The following THADA variants were observed in gnomAD, a reference collection of about 807,000 sequenced individuals.
THADA encodes tRNA (32-2'-O)-methyltransferase regulator THADA.
THADA carries 213 observed loss-of-function variants against 219.8 expected under a neutral mutation model. The ratio of observed to expected loss-of-function variants is 0.97; its 90% CI spans 0.87 to 1.09. THADA has a LOEUF of 1.09. THADA is among the 50% of genes least tolerant of loss of function. THADA has a pLI of 0.00. For missense variants in THADA, 2,956 were observed against 2,311.3 expected, an observed-to-expected ratio of 1.28 and a Z score of -5.72; for synonymous variants, 1,018 against 828.9, an observed-to-expected ratio of 1.23 and a Z score of -3.92.
At chr2:43,313,796 T>A (rs1194889378) in intron 31 of THADA, among the ~76,000 whole-genome samples, 1 of 152,062 alleles carries the variant, frequency 6.6e-6, no homozygotes, top group Admixed American at 6.6e-5. Context: ...ACGAAGAGGG[T>A]TCTCGGACTC....
intron 28 of THADA, among the ~76,000 whole-genome samples, chr2:43,423,557 C>T (rs545785370): frequency 1.8e-4 from 27 of 152,022 alleles, no homozygotes; most frequent in African/African-American, 6.3e-4. Flanking sequence ...CTTAGCCTCT[C>T]GAGTAGCTGG....
intron 26 of THADA, among the ~76,000 whole-genome samples, chr2:43,477,794 G>A (rs1685717460): frequency 6.6e-6 from 1 of 152,212 alleles, no homozygotes; most frequent in African/African-American, 2.4e-5. Context: ...AGGAATGAAT[G>A]ACTGAATGAA....
chr2:43,292,292 G>A, intron 32 of THADA, 70 bp from the exon 33 acceptor site: 1 of 991,974 alleles, frequency 1.0e-6, no homozygotes, highest in South Asian at 1.7e-5. Flanking sequence ...GATGTTACAT[G>A]ATAATCAATT....
chr2:43,306,449 C>G (rs1676874482), intron 31 of THADA, among the ~76,000 whole-genome samples: 1 of 152,186 alleles, frequency 6.6e-6, no homozygotes, highest in African/African-American at 2.4e-5. Flanking sequence ...CCATGGGATA[C>G]TGCAAAACCA....
At chr2:43,570,544 C>A in intron 13 of THADA, 34 bp from the exon 14 acceptor site, 2 of 1,580,976 alleles carry the variant, frequency 1.3e-6, no homozygotes, top group Non-Finnish European at 1.7e-6. Flanking sequence ...CACAGGTGAG[C>A]CACACATTAA....
At chr2:43,320,960 A>G (rs1163078789) in intron 30 of THADA, among the ~76,000 whole-genome samples, 1 of 152,258 alleles carries the variant, frequency 6.6e-6, no homozygotes, top group Non-Finnish European at 1.5e-5. Flanking sequence ...ATTGTGGAGA[A>G]GGAAAATTAC....
At chr2:43,422,139 C>A (rs180824792) in intron 28 of THADA, among the ~76,000 whole-genome samples, 20 of 152,278 alleles carry the variant, frequency 1.3e-4, no homozygotes, top group Non-Finnish European at 1.2e-4. Flanking sequence ...TGCTGATGGG[C>A]AAACTCAGTA....
rs186284423 is a variant in THADA at position 43,350,529 on chromosome 2, C to T, written c.4228-6292G>A. ...TAGGCCGTAGGCCTCTCAGGAGCAC[C>T]CCTCTTGCCTCTGACTTCCACAATG... On this transcript the variant is annotated intron_variant, in intron 29 of 37. Transcript: ENST00000405975. 3.4e-3 allele frequency among the ~76,000 whole-genome samples: 521 copies of T among 152,314 alleles called. 3 individuals are homozygous for T. Among genetic ancestry groups the T allele is most frequent in the Non-Finnish European group, 4.4e-3 (296 of 68,034 alleles).
chr2:43,592,204 C>G, intron 2 of THADA, 113 bp downstream of exon 2: 1 of 1,012,070 alleles, frequency 9.9e-7, no homozygotes. Flanking sequence ...ACATCCAAAA[C>G]ATAAGGAAAA....
intron 20 of THADA, among the ~76,000 whole-genome samples, chr2:43,548,599 C>T (rs570972816): frequency 1.1e-4 from 16 of 152,346 alleles, no homozygotes; most frequent in Admixed American, 9.8e-4. Context: ...AGCCTCGATG[C>T]TGCCTTGCAG....
chr2:43,544,362 T>C (rs528527226), intron 20 of THADA, among the ~76,000 whole-genome samples: 1 of 152,334 alleles, frequency 6.6e-6, no homozygotes, highest in East Asian at 1.9e-4. Flanking sequence ...ATGCGGGCTC[T>C]TTTTTGGTGC....
At position 43,335,356 on chromosome 2, in the gene THADA, AG is replaced by A. The variant is rs201419717; in HGVS notation, c.4343+8765del. 5.8e-3 allele frequency among the ~76,000 whole-genome samples: 876 copies of A among 152,326 alleles called. 12 individuals are homozygous for A. Among genetic ancestry groups the A allele is most frequent in the African/African-American group, 0.02 (845 of 41,564 alleles). On this transcript the variant is annotated intron_variant, in intron 30 of 37. Transcript: ENST00000405975. ...CAACAAATGATAGTAGTTGTCAGGTAGGATGTTAATTCTGGTGAACTGTGTG... is the reference window on the plus strand; with the variant it reads ...CAACAAATGATAGTAGTTGTCAGGTAGATGTTAATTCTGGTGAACTGTGTG...
At chr2:43,475,367 C>A (rs1057038891) in intron 26 of THADA, among the ~76,000 whole-genome samples, 2 of 146,706 alleles carry the variant, frequency 1.4e-5, no homozygotes, top group Non-Finnish European at 3.0e-5. Context: ...TGCAGTGAGC[C>A]AAGGTTGTGC....
chr2:43,351,672 A>G (rs72879219), intron 29 of THADA, among the ~76,000 whole-genome samples: 2,928 of 152,298 alleles, frequency 0.019, 56 homozygotes, highest in African/African-American at 0.049. Flanking sequence ...AAAACAGAGG[A>G]TTCATTGATT....
At chr2:43,591,001 A>T in intron 3 of THADA, 47 bp from the exon 4 acceptor site, 4 of 1,558,980 alleles carry the variant, frequency 2.6e-6, no homozygotes, top group Non-Finnish European at 3.5e-6. Context: ...CAAATATAGC[A>T]AAGTAACATG....
intron 34 of THADA, among the ~76,000 whole-genome samples, chr2:43,288,523 T>C (rs1674316613): frequency 6.6e-6 from 1 of 152,242 alleles, no homozygotes; most frequent in African/African-American, 2.4e-5. Flanking sequence ...GATGAGAATC[T>C]AGATGAAGAG....
intron 1 of THADA, among the ~76,000 whole-genome samples, chr2:43,594,253 T>C (rs1482146024): frequency 6.6e-6 from 1 of 152,144 alleles, no homozygotes; most frequent in Admixed American, 6.5e-5. Flanking sequence ...TCCTTAAAAC[T>C]TTCCAAGGGT....
At chr2:43,386,827 G>A (rs1276121625) in intron 29 of THADA, among the ~76,000 whole-genome samples, 1 of 150,956 alleles carries the variant, frequency 6.6e-6, no homozygotes, top group South Asian at 2.1e-4. Context: ...GAACCCGGGA[G>A]GCAGAGGTTG....
chr2:43,343,719 C>G (rs1187875427), intron 30 of THADA: 1 of 156,002 alleles, frequency 6.4e-6, no homozygotes, highest in Non-Finnish European at 1.4e-5. Context: ...CACACCCTAT[C>G]TGTCCCTCAG....
Sources: allele counts gnomAD v4.1 joint callset (sites outside exome capture counted in the v4.1 genomes callset), GRCh38; gene constraint gnomAD v4.1.1; transcripts MANE v1.5; gene names NCBI Gene and HGNC (gene_info 2026-07-23, HGNC 2026-07-21).